Variants in ARSG observed in about 807,000 individuals in gnomAD.
ARSG encodes the protein arylsulfatase G.
In ARSG, 37 loss-of-function variants were observed where a neutral mutation model predicts 50.5. The observed-to-expected ratio is 0.73, with a 90% CI of 0.56 to 0.96. The LOEUF (loss-of-function observed/expected upper bound fraction) is 0.96, where lower values mean the gene tolerates loss of function less well. ARSG is among the 50% of genes least tolerant of loss of function. ARSG has a pLI of 0.00. For synonymous variants in ARSG, 225 were observed against 254.6 expected, an observed-to-expected ratio of 0.88 and a Z score of 1.11; for missense variants, 629 against 675.3, an observed-to-expected ratio of 0.93 and a Z score of 0.76.
At chr17:68,376,176 C>T (rs1422843144) in intron 8 of ARSG, among the ~76,000 whole-genome samples, 1 of 150,916 alleles carries the variant, frequency 6.6e-6, no homozygotes, top group African/African-American at 2.4e-5. Flanking sequence ...ATGGCGCGAT[C>T]ATAGCTCATT....
intron 11 of ARSG, among the ~76,000 whole-genome samples, chr17:68,418,613 C>T (rs565120410): frequency 1.3e-5 from 2 of 152,214 alleles, no homozygotes; most frequent in East Asian, 1.9e-4. Context: ...GGTGGTATGG[C>T]TTTGCCCCTA....
intron 2 of ARSG, among the ~76,000 whole-genome samples, chr17:68,334,581 A>T (rs1313563251): frequency 6.6e-6 from 1 of 151,894 alleles, no homozygotes; most frequent in Non-Finnish European, 1.5e-5. Flanking sequence ...GAATTCAGGC[A>T]CTCCTTGGTT....
At position 68,343,729 on chromosome 17, in the gene ARSG, C is replaced by A. The variant is rs752067448; in HGVS notation, c.344C>A (p.Pro115Gln). 1 of 1,614,174 alleles carries A rather than the reference C, an allele frequency of 6.2e-7. No individual in the cohort carries two copies. Among genetic ancestry groups the A allele is most frequent in the Admixed American group, 1.7e-5 (1 of 60,014 alleles). The change falls in exon 3 of 12, where the codon CCG (proline) becomes CAG (glutamine). Residue 115 changes from proline to glutamine, a missense_variant. Coordinates refer to ENST00000621439, the MANE Select transcript of ARSG (RefSeq NM_001267727.2). ...GCAGTCACTTCTGTGGGAGGCCTTCCGCTCAACGAGACCACCTTGGCAGAG... is the reference window on the plus strand; with the variant it reads ...GCAGTCACTTCTGTGGGAGGCCTTCAGCTCAACGAGACCACCTTGGCAGAG... Reference protein sequence around the residue: ...NFAVTSVGGLPLNETTLAEVL... With the variant: ...NFAVTSVGGLQLNETTLAEVL...
chr17:68,305,427 C>G (rs1568442328), intron 1 of ARSG, among the ~76,000 whole-genome samples: 1 of 152,168 alleles, frequency 6.6e-6, no homozygotes, highest in African/African-American at 2.4e-5. Context: ...CAGTACAGGC[C>G]TCACATGGGC....
In ARSG at chr17:68,351,558, G is replaced by A. The variant is rs746564282; in HGVS notation, c.455-17G>A. On this transcript the variant is annotated splice_polypyrimidine_tract_variant and intron_variant, in intron 4 of 11. Transcript: ENST00000621439. ...TCGCAGCCACGTGGGGGTGCTAACC[G>A]GTTGCTTCTATTCCAGGTTTTGATT... The A allele has an allele frequency of 2.0e-5, 30 of 1,483,006 alleles. No homozygotes were observed. Among genetic ancestry groups the A allele is most frequent in the Non-Finnish European group, 2.6e-5 (28 of 1,060,662 alleles). The allele number at this position is 1,483,006 out of a possible 1,614,324, so 91.9% of individuals were successfully genotyped here. A position where few individuals can be genotyped will look rare whatever the true frequency, so the allele number is the denominator to read the frequency against.
At chr17:68,286,260 C>T (rs2075839993) in intron 1 of ARSG, among the ~76,000 whole-genome samples, 1 of 152,198 alleles carries the variant, frequency 6.6e-6, no homozygotes, top group Non-Finnish European at 1.5e-5. Context: ...CAGATGTTTA[C>T]ACTTGCAAAA....
intron 8 of ARSG, among the ~76,000 whole-genome samples, chr17:68,377,067 G>A (rs970523621): frequency 3.3e-5 from 5 of 152,096 alleles, no homozygotes; most frequent in African/African-American, 9.7e-5. Context: ...TCACCATGTC[G>A]GCCAGGCTGG....
chr17:68,278,312 T>C (rs782457967), intron 1 of ARSG: 1 of 1,612,844 alleles, frequency 6.2e-7, no homozygotes, highest in African/African-American at 1.3e-5. Context: ...TTAATTTATT[T>C]TGGGTCATTC....
chr17:68,366,332 T>A (rs1456424489), intron 6 of ARSG, among the ~76,000 whole-genome samples: 2 of 152,162 alleles, frequency 1.3e-5, no homozygotes, highest in African/African-American at 4.8e-5. Flanking sequence ...TGCAAAATAC[T>A]TGAAATTTGA....
At chr17:68,368,847 C>T in intron 7 of ARSG, 103 bp downstream of exon 7, 1 of 1,307,762 alleles carries the variant, frequency 7.6e-7, no homozygotes. Context: ...TTTCATAGGT[C>T]AGGAGGCTTG....
chr17:68,435,561 C>T, the ARSG span: 40 of 1,532,970 alleles, frequency 2.6e-5, no homozygotes, highest in African/African-American at 2.0e-4. Context: ...CCCATCCCTG[C>T]GCACGGCAGG....
At chr17:68,421,896 G>A (rs372492424), downstream of ARSG, 70 of 1,590,556 alleles carry the variant, frequency 4.4e-5, no homozygotes, top group Non-Finnish European at 5.8e-5. Context: ...CAACAGGTCT[G>A]TGCCCATGCA....
At position 68,330,984 on chromosome 17, in the gene ARSG, G is replaced by A. The variant is rs377373607; in HGVS notation, c.219-12620G>A. Among the ~76,000 whole-genome samples, 17 of 130,142 alleles carry A rather than the reference G, an allele frequency of 1.3e-4. No individual in the cohort carries two copies. The East Asian group carries it at 1.8e-3, about 14-fold the overall frequency. The allele number at this position is 130,142 out of a possible 152,430, so 85.4% of individuals were successfully genotyped here. On this transcript the variant is annotated intron_variant, in intron 2 of 11. Coordinates refer to ENST00000621439, the MANE Select transcript of ARSG (RefSeq NM_001267727.2). ...CTTTATTTCTTTTTTTTTGCGGGGG[G>A]GGGGGGAGGTGGTGGGCGGGGACAG...
intron 1 of ARSG, among the ~76,000 whole-genome samples, chr17:68,261,029 C>T (rs1311534225): frequency 8.5e-5 from 13 of 152,218 alleles, no homozygotes; most frequent in African/African-American, 3.1e-4. Context: ...TAGTACACTA[C>T]TGCTGGGCAC....
At chr17:68,278,119 A>G in intron 1 of ARSG, 1 of 1,613,896 alleles carries the variant, frequency 6.2e-7, no homozygotes, top group Non-Finnish European at 8.5e-7. Flanking sequence ...ACACAGATTG[A>G]GATTATCCAT....
downstream of ARSG, chr17:68,426,267 G>T: frequency 1.1e-6 from 1 of 922,696 alleles, no homozygotes; most frequent in Non-Finnish European, 1.7e-6. Context: ...CAAATAAAGG[G>T]CAAAGGAAGC....
intron 9 of ARSG, among the ~76,000 whole-genome samples, chr17:68,394,152 A>G (rs993739289): frequency 1.3e-5 from 2 of 152,174 alleles, no homozygotes; most frequent in Non-Finnish European, 2.9e-5. Context: ...GCCACCAAGA[A>G]TGAATTTCCT....
chr17:68,397,713 G>A (rs2081304539), intron 10 of ARSG, among the ~76,000 whole-genome samples: 1 of 152,048 alleles, frequency 6.6e-6, no homozygotes, highest in African/African-American at 2.4e-5. Context: ...TGTTATACGT[G>A]TGCATGCATA....
the ARSG span, among the ~76,000 whole-genome samples, chr17:68,442,201 T>C: frequency 0.15 from 23,308 of 152,120 alleles, 2,312 homozygotes; most frequent in East Asian, 0.28. Flanking sequence ...TGCTGACTCA[T>C]GCCTATAATT....
Sources: allele counts gnomAD v4.1 joint callset (sites outside exome capture counted in the v4.1 genomes callset), GRCh38; gene constraint gnomAD v4.1.1; transcripts MANE v1.5; gene names NCBI Gene and HGNC (gene_info 2026-07-23, HGNC 2026-07-21).